The following TCF12 variants were observed in gnomAD, a reference collection of about 807,000 sequenced individuals.
TCF12 encodes the protein DNA-binding protein HTF4.
Under a neutral mutation model 86.0 loss-of-function variants are expected in TCF12, and 45 were observed. The observed-to-expected ratio is 0.52, with a 90% confidence interval of 0.41 to 0.67. The LOEUF is 0.67. Ranked by LOEUF, TCF12 falls within the 30% of genes least tolerant of loss-of-function variation. The pLI is 0.00. For synonymous variants in TCF12, 330 were observed against 299.6 expected (o/e 1.10, Z -1.05); for missense variants, 881 against 859.9 (o/e 1.02, Z -0.31).
intron 18 of TCF12, among the ~76,000 whole-genome samples, chr15:57,272,298 C>G (rs1238993656): frequency 2.0e-5 from 3 of 152,180 alleles, no homozygotes; most frequent in African/African-American, 7.2e-5. Context: ...GTTGGAATTG[C>G]TGATCAAGAG....
intron 5 of TCF12, among the ~76,000 whole-genome samples, chr15:57,129,464 A>AGCCTGAGCCTGGAGGACC (rs2051938545): frequency 6.6e-6 from 1 of 152,158 alleles, no homozygotes; most frequent in Non-Finnish European, 1.5e-5. Context: ...AGGTGGAAGG[A>AGCCTGAGCCTGGAGGACC]TCACCTGAGC....
intron 3 of TCF12, among the ~76,000 whole-genome samples, chr15:56,982,024 T>G (rs1296688096): frequency 4.6e-5 from 7 of 152,060 alleles, no homozygotes; most frequent in Non-Finnish European, 1.5e-5. Context: ...CACATGTGAG[T>G]GGACCCATGC....
intron 6 of TCF12, among the ~76,000 whole-genome samples, chr15:57,176,758 C>T (rs555209790): frequency 8.5e-5 from 13 of 152,184 alleles, no homozygotes; most frequent in African/African-American, 3.1e-4. Context: ...AACTTTGTGA[C>T]TGGAAAAAAG....
chr15:57,001,460 G>C (rs1179662062), intron 3 of TCF12: 2 of 172,186 alleles, frequency 1.2e-5, no homozygotes, highest in East Asian at 2.1e-4. Context: ...ACAGCAATTC[G>C]CTGACATGAT....
chr15:57,197,281 C>G (rs901767897), intron 7 of TCF12, among the ~76,000 whole-genome samples: 4 of 150,960 alleles, frequency 2.6e-5, no homozygotes, highest in African/African-American at 9.7e-5. Context: ...CTCAACCTCC[C>G]GAGTCGCTGG....
At chr15:57,275,056 G>C (rs1300824171) in intron 19 of TCF12, among the ~76,000 whole-genome samples, 1 of 152,136 alleles carries the variant, frequency 6.6e-6, no homozygotes, top group East Asian at 1.9e-4. Context: ...CAGAAAATAT[G>C]AGTCTGAGAG....
At chr15:57,000,371 A>G in intron 3 of TCF12, among the ~76,000 whole-genome samples, 1 of 152,170 alleles carries the variant, frequency 6.6e-6, no homozygotes, top group South Asian at 2.1e-4. Flanking sequence ...TTAAACATAT[A>G]AAATAAGGGA....
At chr15:57,120,312 T>G (rs758631176) in intron 5 of TCF12, among the ~76,000 whole-genome samples, 3 of 152,250 alleles carry the variant, frequency 2.0e-5, no homozygotes, top group Non-Finnish European at 4.4e-5. Context: ...GTATATGTTA[T>G]GCTGAAATTT....
chr15:57,247,879 C>T, intron 13 of TCF12: 1 of 761,276 alleles, frequency 1.3e-6, no homozygotes. Flanking sequence ...TGCCCCATTT[C>T]TCAAAATGTC....
At chr15:57,225,711 A>G (rs1304935531) in intron 8 of TCF12, among the ~76,000 whole-genome samples, 2 of 152,196 alleles carry the variant, frequency 1.3e-5, no homozygotes, top group Admixed American at 6.5e-5. Flanking sequence ...AAATGGGTAT[A>G]GTTATTAAAG....
At chr15:57,005,768 C>A (rs900709616) in intron 3 of TCF12, among the ~76,000 whole-genome samples, 3 of 152,074 alleles carry the variant, frequency 2.0e-5, no homozygotes, top group Non-Finnish European at 4.4e-5. Context: ...CAGGGTCTCA[C>A]TATGCTGCCC....
chr15:57,022,405 T>G (rs1311106362), intron 3 of TCF12, among the ~76,000 whole-genome samples: 1 of 152,212 alleles, frequency 6.6e-6, no homozygotes, highest in East Asian at 1.9e-4. Flanking sequence ...ACTCATCCTT[T>G]TTATGGCTGC....
At chr15:57,075,804 T>TTCTCTCTTTCTCTCTCTCTCTCTC (rs2069889936) in intron 4 of TCF12, among the ~76,000 whole-genome samples, 1 of 28,590 alleles carries the variant, frequency 3.5e-5, no homozygotes. Context: ...CTTTCTTTCT[T>TTCTCTCTTTCTCTCTCTCTCTCTC]TCTCTCTCTC....
intron 3 of TCF12, among the ~76,000 whole-genome samples, chr15:57,031,435 GA>G (rs1200400964): frequency 6.6e-6 from 1 of 152,106 alleles, no homozygotes; most frequent in Admixed American, 6.6e-5. Flanking sequence ...GCTGTGGTTG[GA>G]TATTAGACAG....
intron 5 of TCF12, among the ~76,000 whole-genome samples, chr15:57,108,910 G>A (rs1376747452): frequency 1.3e-5 from 2 of 152,042 alleles, no homozygotes; most frequent in East Asian, 3.8e-4. Context: ...CTATAATTGT[G>A]ACTCTTTTAA....
At position 57,282,509 on chromosome 15, in the gene TCF12, A is replaced by G. The variant is rs1305573598; in HGVS notation, c.2043A>G (p.Val681=). 6.2e-7 allele frequency: 1 copy of G among 1,614,256 alleles called. No homozygotes were observed. Among genetic ancestry groups the G allele is most frequent in the East Asian group, 2.2e-5 (1 of 44,884 alleles). ...GGGAAGAAGAAAAAGTTTCTGCCGT[A>G]TCGGCAGAGCCGCCAACCACACTGC... ...KRREEEKVSA[V]SAEPPTTLPG... Residue 681 remains valine, a synonymous_variant, in exon 20 of 21, where the codon GTA becomes GTG. Transcript: ENST00000333725.
At chr15:56,935,202 TCTTG>T (rs1197763948) in intron 3 of TCF12, among the ~76,000 whole-genome samples, 1 of 152,228 alleles carries the variant, frequency 6.6e-6, no homozygotes, top group Admixed American at 6.5e-5. Context: ...TACTTGGTCT[TCTTG>T]CTGCCAGTTG....
chr15:56,935,967 T>G (rs2060452662), intron 3 of TCF12, among the ~76,000 whole-genome samples: 1 of 152,118 alleles, frequency 6.6e-6, no homozygotes, highest in African/African-American at 2.4e-5. Flanking sequence ...GTGCAAGTAT[T>G]TTTTTCATAT....
At chr15:57,057,413 C>T (rs1404137739) in intron 3 of TCF12, among the ~76,000 whole-genome samples, 2 of 152,200 alleles carry the variant, frequency 1.3e-5, no homozygotes, top group Non-Finnish European at 2.9e-5. Context: ...GAATGGGAAA[C>T]TCACCTGTGC....
Sources: gnomAD v4.1 joint callset for allele counts (sites outside exome capture counted in the v4.1 genomes callset) on GRCh38, gnomAD v4.1.1 for gene constraint, MANE v1.5 for transcripts, NCBI Gene and HGNC (gene_info 2026-07-23, HGNC 2026-07-21) for gene names.